Variants in ZNF676 observed in about 807,000 individuals in gnomAD.
ZNF676 encodes the protein zinc finger protein 676.
ZNF676 carries 4 observed loss-of-function variants against 6.0 expected under a neutral mutation model. The observed-to-expected ratio is 0.67, with a 90% CI of 0.33 to 1.53. The LOEUF (loss-of-function observed/expected upper bound fraction) is 1.53, where lower values mean the gene tolerates loss of function less well. ZNF676 is among the 40% of genes most tolerant of loss of function. The probability of loss-of-function intolerance (pLI) is 0.06; values close to 1 mark genes in which losing one functional copy is unlikely to be tolerated. For missense variants in ZNF676, 644 were observed against 679.7 expected (o/e 0.95, Z 0.58); for synonymous variants, 198 against 223.1 (o/e 0.89, Z 1.00).
the ZNF676 span, among the ~76,000 whole-genome samples, chr19:22,254,177 C>A: frequency 6.6e-6 from 1 of 152,092 alleles, no homozygotes; most frequent in Non-Finnish European, 1.5e-5. Context: ...AGGTGTTCAG[C>A]CACAGATATA....
At chr19:22,211,681 A>G (rs2024130460) in intron 1 of ZNF676, among the ~76,000 whole-genome samples, 1 of 152,158 alleles carries the variant, frequency 6.6e-6, no homozygotes, top group South Asian at 2.1e-4. Flanking sequence ...CTCAGAAATC[A>G]AAATAACAGG....
At chr19:22,226,274 T>C in the ZNF676 span, among the ~76,000 whole-genome samples, 1 of 152,154 alleles carries the variant, frequency 6.6e-6, no homozygotes, top group Non-Finnish European at 1.5e-5. Flanking sequence ...TCTGTTTATC[T>C]GTCTTTGTGT....
chr19:22,197,044 C>T (rs2023974704), upstream of ZNF676: 1 of 241,358 alleles, frequency 4.1e-6, no homozygotes, highest in African/African-American at 2.4e-5. Context: ...AATTGTGTGC[C>T]AGGCATGGTG....
At chr19:22,195,025 A>G (rs1175708647) in intron 1 of ZNF676, among the ~76,000 whole-genome samples, 1 of 152,228 alleles carries the variant, frequency 6.6e-6, no homozygotes, top group African/African-American at 2.4e-5. Flanking sequence ...TCCCAGGAGT[A>G]GTTGACTCCA....
chr19:22,249,775 T>A, the ZNF676 span, among the ~76,000 whole-genome samples: 15 of 139,012 alleles, frequency 1.1e-4, no homozygotes, highest in African/African-American at 3.7e-4. Context: ...TTTTTTTTTT[T>A]AAAGCACAGA....
At chr19:22,221,168 T>C in the ZNF676 span, among the ~76,000 whole-genome samples, 1 of 152,128 alleles carries the variant, frequency 6.6e-6, no homozygotes, top group Non-Finnish European at 1.5e-5. Flanking sequence ...CAATCTCAGG[T>C]TGTTTATTGT....
chr19:22,231,222 A>G, the ZNF676 span, among the ~76,000 whole-genome samples: 3 of 152,016 alleles, frequency 2.0e-5, no homozygotes, highest in African/African-American at 7.2e-5. Flanking sequence ...AAAAATCTGT[A>G]TAGATATGCA....
the ZNF676 span, among the ~76,000 whole-genome samples, chr19:22,239,581 T>C: frequency 6.6e-6 from 1 of 152,204 alleles, no homozygotes; most frequent in Non-Finnish European, 1.5e-5. Flanking sequence ...GTCTGCGTAT[T>C]AAAGTCACAA....
upstream of ZNF676, among the ~76,000 whole-genome samples, chr19:22,198,625 T>C (rs568115919): frequency 6.6e-6 from 1 of 152,252 alleles, no homozygotes; most frequent in South Asian, 2.1e-4. Context: ...TTTAAAAGTG[T>C]CAGCACCACA....
the ZNF676 span, among the ~76,000 whole-genome samples, chr19:22,233,886 T>C: frequency 6.6e-6 from 1 of 152,216 alleles, no homozygotes; most frequent in Non-Finnish European, 1.5e-5. Context: ...GGTCACCCAT[T>C]GGTTAGCACT....
At chr19:22,206,009 A>AC (rs1382666337) in intron 1 of ZNF676, among the ~76,000 whole-genome samples, 1 of 151,830 alleles carries the variant, frequency 6.6e-6, no homozygotes, top group Non-Finnish European at 1.5e-5. Context: ...CATAAAAAAA[A>AC]AACTAGAATA....
upstream of ZNF676, among the ~76,000 whole-genome samples, chr19:22,201,556 G>A (rs1040968824): frequency 2.0e-5 from 3 of 152,046 alleles, no homozygotes; most frequent in Admixed American, 6.6e-5. Context: ...TCCCCTCTTA[G>A]AGGCTGCTCT....
the ZNF676 span, among the ~76,000 whole-genome samples, chr19:22,242,254 C>T: frequency 6.6e-6 from 1 of 151,176 alleles, no homozygotes; most frequent in Non-Finnish European, 1.5e-5. Flanking sequence ...GGTAAAATCA[C>T]AATCATTTTT....
At chr19:22,232,078 C>T in the ZNF676 span, among the ~76,000 whole-genome samples, 30 of 152,112 alleles carry the variant, frequency 2.0e-4, no homozygotes, top group Non-Finnish European at 4.1e-4. Context: ...GTGTATCTCA[C>T]ATTAGGCTTG....
upstream of ZNF676, among the ~76,000 whole-genome samples, chr19:22,217,775 C>A (rs544998515): frequency 6.6e-6 from 1 of 152,042 alleles, no homozygotes; most frequent in African/African-American, 2.4e-5. Context: ...GCGATCTTGG[C>A]TTACTGCAAC....
At chr19:22,190,351 A>G (rs998853566) in intron 2 of ZNF676, among the ~76,000 whole-genome samples, 4 of 151,892 alleles carry the variant, frequency 2.6e-5, no homozygotes, top group Admixed American at 6.6e-5. Context: ...AAAGGTTGTA[A>G]TAATACTGTA....
chr19:22,184,300 T>C (rs1244686700), intron 2 of ZNF676, among the ~76,000 whole-genome samples: 2 of 152,060 alleles, frequency 1.3e-5, no homozygotes, highest in African/African-American at 4.8e-5. Flanking sequence ...TTAGGGACTG[T>C]ACCATAAAGA....
chr19:22,246,184 A>T, the ZNF676 span, among the ~76,000 whole-genome samples: 3 of 152,128 alleles, frequency 2.0e-5, no homozygotes, highest in Non-Finnish European at 4.4e-5. Flanking sequence ...AAAAGAAAAA[A>T]ACATATGTCA....
At chr19:22,250,204 T>C in the ZNF676 span, among the ~76,000 whole-genome samples, 2 of 150,820 alleles carry the variant, frequency 1.3e-5, no homozygotes, top group Admixed American at 6.6e-5. Context: ...AAGAAAAAAC[T>C]GGGTTTGAAA....
Sources: gnomAD v4.1 joint callset for allele counts (sites outside exome capture counted in the v4.1 genomes callset) on GRCh38, gnomAD v4.1.1 for gene constraint, MANE v1.5 for transcripts, NCBI Gene and HGNC (gene_info 2026-07-23, HGNC 2026-07-21) for gene names.